COL9A3: variants seen among roughly 807,000 people sequenced by gnomAD.
The protein encoded by COL9A3 is collagen type IX alpha 3 chain.
In COL9A3, 82 loss-of-function variants were observed where a neutral mutation model predicts 110.2. The ratio of observed to expected loss-of-function variants is 0.74; its 90% confidence interval spans 0.62 to 0.89. The LOEUF (loss-of-function observed/expected upper bound fraction) is 0.89. Among genes scored for constraint, COL9A3 ranks in the 40% least tolerant of loss-of-function variants. The probability of loss-of-function intolerance (pLI) is 0.00; values close to 1 mark genes in which losing one functional copy is unlikely to be tolerated. For synonymous variants in COL9A3, 494 were observed against 403.8 expected (o/e 1.22, Z -2.68); for missense variants, 1,066 against 981.3 (o/e 1.09, Z -1.15).
chr20:62,820,414 C>T (rs976777858), intron 5 of COL9A3, among the ~76,000 whole-genome samples: 15 of 152,236 alleles, frequency 9.9e-5, no homozygotes, highest in Non-Finnish European at 2.1e-4. Flanking sequence ...CCTTTCTCCC[C>T]TTGTGGCTTC....
chr20:62,828,121 G>A, intron 17 of COL9A3, 145 bp downstream of exon 17: 1 of 826,040 alleles, frequency 1.2e-6, no homozygotes, highest in Admixed American at 2.0e-5. Context: ...CAGCCCCGCA[G>A]CCCCACACAT....
chr20:62,828,056 C>T, intron 17 of COL9A3, 80 bp downstream of exon 17: 1 of 1,473,466 alleles, frequency 6.8e-7, no homozygotes, highest in Admixed American at 1.7e-5. Flanking sequence ...TTCAGAAGGG[C>T]TGGAGCTCAG....
At chr20:62,828,667 T>G in intron 17 of COL9A3, 97 bp from the exon 18 acceptor site, 11 of 1,365,628 alleles carry the variant, frequency 8.1e-6, no homozygotes, top group South Asian at 1.2e-5. Context: ...AGACACAGTT[T>G]TAGGTTGATG....
chr20:62,840,071 T>C (rs2063664024), intron 31 of COL9A3, among the ~76,000 whole-genome samples: 1 of 151,970 alleles, frequency 6.6e-6, no homozygotes, highest in South Asian at 2.1e-4. Context: ...GCCCACACCA[T>C]GCCCGCACCA....
At chr20:62,819,534 C>T (rs1443716680) in intron 4 of COL9A3, among the ~76,000 whole-genome samples, 3 of 152,226 alleles carry the variant, frequency 2.0e-5, no homozygotes, top group South Asian at 2.1e-4. Flanking sequence ...CTTGCTTGTC[C>T]AGGAATGAGT....
chr20:62,817,516 G>A lies in COL9A3; in HGVS notation c.79-51G>A, dbSNP rs950185427. 3 of 1,332,458 alleles carry A rather than the reference G, an allele frequency of 2.3e-6. No individual in the cohort carries two copies. In the Admixed American group the frequency reaches 5.9e-5, roughly 26 times the overall value. The allele number at this position is 1,332,458 out of a possible 1,614,324, so 82.5% of individuals were successfully genotyped here. Reference sequence around the variant, plus strand: ...GGGACCCGGGAGGAGGGGACGCCGGGTCAGGCCCACGGGGGCACCTGCGCT... The same window carrying A: ...GGGACCCGGGAGGAGGGGACGCCGGATCAGGCCCACGGGGGCACCTGCGCT... On this transcript the variant is annotated intron_variant, in intron 1 of 31. Coordinates refer to ENST00000649368, the MANE Select transcript of COL9A3 (RefSeq NM_001853.4).
chr20:62,836,311 T>G lies in COL9A3; in HGVS notation c.1526T>G (p.Ile509Ser). ...CAGGGCGTCCCGGGTGTTCCTGGCA[T>G]CACGGGGAAGCCGGGAGTTCCGGTA... ...GLQGVPGVPG[I>S]TGKPGVPGKE... Residue 509 changes from isoleucine (I) to serine (S), a missense_variant, in exon 28 of 32, where the codon ATC (isoleucine) becomes AGC (serine). Transcript: ENST00000649368. 3 of 1,613,892 alleles carry G rather than the reference T, an allele frequency of 1.9e-6. No individual in the cohort carries two copies. The highest frequency in any genetic ancestry group is 2.5e-6 in the Non-Finnish European group (3 of 1,180,024).
At chr20:62,822,701 G>A (rs1028542876) in intron 10 of COL9A3, 69 bp downstream of exon 10, 4 of 1,531,182 alleles carry the variant, frequency 2.6e-6, no homozygotes, top group Non-Finnish European at 3.6e-6. Context: ...GTTCTGGCCT[G>A]GAGAGGGGCT....
Position 62,827,228 on chromosome 20 carries a change from T to C in COL9A3, c.793-13T>C, listed in dbSNP as rs2063561149. ...GTGTTAACTCTGTCCCTGCCCCACC[T>C]CATCCTTTCCAGGGTGACCGAGGCG... On this transcript the variant is annotated splice_polypyrimidine_tract_variant and intron_variant, in intron 15 of 31. Transcript: ENST00000649368. The C allele has an allele frequency of 6.2e-7, 1 of 1,613,014 alleles. No homozygotes were observed. Among genetic ancestry groups the C allele is most frequent in the South Asian group, 1.1e-5 (1 of 91,082 alleles).
At chr20:62,816,814 C>G (rs973376426), upstream of COL9A3, among the ~76,000 whole-genome samples, 2 of 152,176 alleles carry the variant, frequency 1.3e-5, no homozygotes, top group Non-Finnish European at 2.9e-5. Context: ...TGCAACGCGC[C>G]AGTCCCAGGA....
intron 25 of COL9A3, 187 bp from the exon 26 acceptor site, chr20:62,832,833 C>T: frequency 3.3e-6 from 2 of 602,394 alleles, no homozygotes; most frequent in South Asian, 1.9e-5. Flanking sequence ...TGGCCCCGCC[C>T]CTGCCTGCAG....
chr20:62,828,528 C>T (rs970048251), intron 17 of COL9A3, among the ~76,000 whole-genome samples: 1 of 152,250 alleles, frequency 6.6e-6, no homozygotes, highest in Non-Finnish European at 1.5e-5. Flanking sequence ...AGGCCTCGGG[C>T]GTCAGCACTG....
Position 62,829,754 on chromosome 20 carries a change from CT to C in COL9A3, c.1108-9del. ...AGACCCTGCCCTGACACCCTCCTTCCTTTCCCTGTAGGGAGATGCTGGCATG... is the reference window on the plus strand; with the variant it reads ...AGACCCTGCCCTGACACCCTCCTTCCTTCCCTGTAGGGAGATGCTGGCATG... On this transcript the variant is annotated splice_polypyrimidine_tract_variant and intron_variant, in intron 21 of 31. Coordinates refer to ENST00000649368, the MANE Select transcript of COL9A3 (RefSeq NM_001853.4). 1 of 1,591,668 alleles carries C rather than the reference CT, an allele frequency of 6.3e-7. No homozygotes were observed. Among genetic ancestry groups the C allele is most frequent in the Non-Finnish European group, 8.6e-7 (1 of 1,169,494 alleles).
chr20:62,837,356 C>T (rs539696395), intron 30 of COL9A3, 91 bp downstream of exon 30: 30 of 1,402,294 alleles, frequency 2.1e-5, no homozygotes, highest in Admixed American at 5.8e-5. Flanking sequence ...GCCTGCCATG[C>T]GCCCTCAGGG....
At chr20:62,830,254 C>G in intron 22 of COL9A3, 106 bp from the exon 23 acceptor site, 1 of 1,342,390 alleles carries the variant, frequency 7.4e-7, no homozygotes, top group Non-Finnish European at 1.0e-6. Flanking sequence ...AGAACCGGCT[C>G]CTGTGTCCAC....
intron 31 of COL9A3, among the ~76,000 whole-genome samples, 191 bp downstream of exon 31, chr20:62,838,952 C>T (rs576157579): frequency 2.0e-4 from 30 of 152,260 alleles, no homozygotes; most frequent in Non-Finnish European, 3.7e-4. Context: ...GGGCTGGGCG[C>T]GGTGGCTTAC....
At chr20:62,836,985 T>G in intron 29 of COL9A3, 98 bp from the exon 30 acceptor site, 3 of 1,475,634 alleles carry the variant, frequency 2.0e-6, no homozygotes, top group South Asian at 1.1e-5. Context: ...AAAACTTGCT[T>G]CTGGAAGACA....
upstream of COL9A3, chr20:62,816,240 G>T (rs1990899438): frequency 6.6e-6 from 1 of 152,290 alleles, no homozygotes; most frequent in Non-Finnish European, 1.5e-5. Flanking sequence ...GACTGCCCTG[G>T]CAGCCTGAGG....
intron 31 of COL9A3, among the ~76,000 whole-genome samples, chr20:62,839,230 C>CA (rs10664760): frequency 4.6e-4 from 66 of 144,802 alleles, no homozygotes; most frequent in Non-Finnish European, 5.9e-4. Flanking sequence ...GACTCCATCT[C>CA]AAAAAAAAAA....
Sources: gnomAD v4.1 joint callset for allele counts (sites outside exome capture counted in the v4.1 genomes callset) on GRCh38, gnomAD v4.1.1 for gene constraint, MANE v1.5 for transcripts, NCBI Gene and HGNC (gene_info 2026-07-23, HGNC 2026-07-21) for gene names.